Variants in UNC13C observed in about 807,000 individuals in gnomAD.
UNC13C encodes protein unc-13 homolog C.
A neutral mutation model predicts 245.4 loss-of-function variants in UNC13C; 174 were observed. The ratio of observed to expected loss-of-function variants is 0.71; its 90% CI spans 0.63 to 0.80. UNC13C has a LOEUF of 0.80. Among genes scored for constraint, UNC13C ranks in the 30% least tolerant of loss-of-function variants. The probability of loss-of-function intolerance (pLI) is 0.00; values close to 1 mark genes in which losing one functional copy is unlikely to be tolerated. For missense variants in UNC13C, 2,829 were observed against 2,602.9 expected, an observed-to-expected ratio of 1.09 and a Z score of -1.89; for synonymous variants, 992 against 895.1, an observed-to-expected ratio of 1.11 and a Z score of -1.93.
At chr15:54,196,383 T>C (rs901495392) in intron 4 of UNC13C, among the ~76,000 whole-genome samples, 2 of 151,882 alleles carry the variant, frequency 1.3e-5, no homozygotes, top group African/African-American at 4.8e-5. Flanking sequence ...AAATGAGACT[T>C]TATAGTAGAG....
intron 2 of UNC13C, among the ~76,000 whole-genome samples, chr15:54,137,547 A>G (rs1298288775): frequency 1.3e-5 from 2 of 152,154 alleles, no homozygotes; most frequent in Non-Finnish European, 2.9e-5. Context: ...ATGATTCAGT[A>G]TTGGTAGGTT....
rs980094741 is a variant in UNC13C, at chr15:54,265,595, A to C, written c.3818+99A>C. Reference sequence around the variant, plus strand: ...TGCAATAATTATCTCATTTTTTAATAATCTCTTACCCAAAAGTAATAAAAA... The same window carrying C: ...TGCAATAATTATCTCATTTTTTAATCATCTCTTACCCAAAAGTAATAAAAA... On this transcript the variant is annotated intron_variant, in intron 10 of 32. Coordinates refer to ENST00000260323, the MANE Select transcript of UNC13C (RefSeq NM_001080534.3). 4.3e-6 allele frequency: 4 copies of C among 934,558 alleles called. No individual in the cohort carries two copies. In the African/African-American group the frequency reaches 6.7e-5, roughly 16 times the overall value. 57.9% of individuals were successfully genotyped at this position (934,558 alleles called of 1,614,324 possible).
the UNC13C span, chr15:53,972,706 CT>C: frequency 3.3e-5 from 5 of 152,134 alleles, no homozygotes; most frequent in Non-Finnish European, 7.4e-5. Flanking sequence ...GTTATTTTCA[CT>C]GCTCTTGGGG....
At chr15:53,933,942 TCATGGTTCTGCAGGCTGCATGGGATG>T in the UNC13C span, among the ~76,000 whole-genome samples, 10 of 152,284 alleles carry the variant, frequency 6.6e-5, no homozygotes, top group East Asian at 1.9e-4. Flanking sequence ...TTTAATTGGC[TCATGGTTCTGCAGGCTGCATGGGATG>T]CATGGTTCTG....
chr15:54,146,490 G>A (rs979870148), intron 4 of UNC13C, among the ~76,000 whole-genome samples: 1 of 152,148 alleles, frequency 6.6e-6, no homozygotes, highest in African/African-American at 2.4e-5. Context: ...TACATTTCCT[G>A]TAAGTGTTGC....
the UNC13C span, among the ~76,000 whole-genome samples, chr15:53,970,119 T>C: frequency 3.3e-5 from 5 of 151,966 alleles, no homozygotes; most frequent in African/African-American, 9.7e-5. Flanking sequence ...GGTGTGATCT[T>C]GGCTCACTCC....
chr15:54,583,876 A>C (rs549441848), intron 30 of UNC13C, among the ~76,000 whole-genome samples: 3 of 152,318 alleles, frequency 2.0e-5, no homozygotes, highest in African/African-American at 7.2e-5. Flanking sequence ...CCTGTGAATA[A>C]GTCCTGCTTC....
At chr15:54,218,068 T>C (rs991506126) in intron 4 of UNC13C, among the ~76,000 whole-genome samples, 1 of 151,962 alleles carries the variant, frequency 6.6e-6, no homozygotes, top group South Asian at 2.1e-4. Flanking sequence ...AAAAAATTTG[T>C]ATTATAGTGG....
chr15:53,985,085 G>T (rs1026133939), intron 1 of UNC13C, among the ~76,000 whole-genome samples: 1 of 151,516 alleles, frequency 6.6e-6, no homozygotes, highest in African/African-American at 2.4e-5. Context: ...CATCCTCTAA[G>T]TTCCCTCCCC....
At chr15:53,947,349 T>A in the UNC13C span, among the ~76,000 whole-genome samples, 1 of 152,188 alleles carries the variant, frequency 6.6e-6, no homozygotes, top group Non-Finnish European at 1.5e-5. Flanking sequence ...AAGATTTTGA[T>A]TAATATTTGT....
chr15:54,080,081 A>G (rs2141116118), intron 2 of UNC13C, among the ~76,000 whole-genome samples: 1 of 147,492 alleles, frequency 6.8e-6, no homozygotes, highest in Middle Eastern at 3.6e-3. Flanking sequence ...AGAGGATCGT[A>G]TAGTTTTTGT....
At chr15:53,878,019 T>C in the UNC13C span, among the ~76,000 whole-genome samples, 1 of 152,240 alleles carries the variant, frequency 6.6e-6, no homozygotes, top group Non-Finnish European at 1.5e-5. Flanking sequence ...TCTACCATAA[T>C]GCTTTTTTGC....
intron 28 of UNC13C, among the ~76,000 whole-genome samples, 163 bp from the exon 29 acceptor site, chr15:54,555,269 T>G (rs1210333896): frequency 6.6e-6 from 1 of 152,062 alleles, no homozygotes; most frequent in African/African-American, 2.4e-5. Context: ...AGAGAGGAGA[T>G]TTATAAAATA....
intron 2 of UNC13C, among the ~76,000 whole-genome samples, chr15:54,031,553 C>T (rs915702890): frequency 2.0e-5 from 3 of 152,160 alleles, no homozygotes; most frequent in African/African-American, 7.2e-5. Flanking sequence ...CATCTTTGGA[C>T]AATTTGAAGT....
chr15:54,546,907 G>C lies in UNC13C; in HGVS notation c.5820+62G>C, dbSNP rs752619204. 324 of 1,409,192 alleles carry C rather than the reference G, an allele frequency of 2.3e-4. 1 individual carries two copies. Among genetic ancestry groups the C allele is most frequent in the Non-Finnish European group, 2.9e-4 (305 of 1,054,450 alleles). The allele number at this position is 1,409,192 out of a possible 1,614,324, so 87.3% of individuals were successfully genotyped here. ...CATCTGTTTTTGGTTTAAGTGAATGGTTTTCATCCAGATGAAATACTAATT... is the reference window on the plus strand; with the variant it reads ...CATCTGTTTTTGGTTTAAGTGAATGCTTTTCATCCAGATGAAATACTAATT... On this transcript the variant is annotated intron_variant, in intron 27 of 32. Coordinates refer to ENST00000260323, the MANE Select transcript of UNC13C (RefSeq NM_001080534.3).
chr15:53,848,488 T>C, the UNC13C span, among the ~76,000 whole-genome samples: 1 of 152,296 alleles, frequency 6.6e-6, no homozygotes, highest in East Asian at 1.9e-4. Context: ...GAGAACATAC[T>C]TTGAATTATT....
chr15:54,110,057 C>T (rs1232700413), intron 2 of UNC13C, among the ~76,000 whole-genome samples: 1 of 152,040 alleles, frequency 6.6e-6, no homozygotes, highest in African/African-American at 2.4e-5. Context: ...GCAGACAGAT[C>T]ACTTGAGGCC....
chr15:53,886,706 C>T, the UNC13C span, among the ~76,000 whole-genome samples: 7 of 152,094 alleles, frequency 4.6e-5, no homozygotes, highest in Non-Finnish European at 1.0e-4. Flanking sequence ...AGGAACTCTA[C>T]AGTGGAGAAA....
At chr15:54,528,574 CATAA>C (rs1428188166) in intron 25 of UNC13C, among the ~76,000 whole-genome samples, 1 of 151,752 alleles carries the variant, frequency 6.6e-6, no homozygotes, top group African/African-American at 2.4e-5. Context: ...GTAATAGGAG[CATAA>C]ATAAATTTCA....
Sources: allele counts gnomAD v4.1 joint callset (sites outside exome capture counted in the v4.1 genomes callset), GRCh38; gene constraint gnomAD v4.1.1; transcripts MANE v1.5; gene names NCBI Gene and HGNC (gene_info 2026-07-23, HGNC 2026-07-21).